Variants in PLAAT1 observed in about 807,000 individuals in gnomAD.
PLAAT1 encodes phospholipase A and acyltransferase 1.
PLAAT1 carries 13 observed loss-of-function variants against 16.4 expected under a neutral mutation model. The observed-to-expected ratio is 0.79, with a 90% CI of 0.52 to 1.26. The LOEUF is 1.26. Among genes scored for constraint, PLAAT1 ranks in the 50% most tolerant of loss-of-function variants. PLAAT1 has a pLI of 0.00. For synonymous variants in PLAAT1, 73 were observed against 78.4 expected (o/e 0.93, Z 0.36); for missense variants, 218 against 207.8 (o/e 1.05, Z -0.30).
intron 2 of PLAAT1, among the ~76,000 whole-genome samples, chr3:193,258,293 A>G (rs1310548417): frequency 1.3e-5 from 2 of 152,170 alleles, no homozygotes; most frequent in Non-Finnish European, 2.9e-5. Context: ...AGCACTAAGC[A>G]CTGTCATTAA....
At chr3:193,269,634 A>G (rs1716917479) in intron 3 of PLAAT1, among the ~76,000 whole-genome samples, 1 of 152,236 alleles carries the variant, frequency 6.6e-6, no homozygotes, top group Non-Finnish European at 1.5e-5. Flanking sequence ...CCCCAGAGTC[A>G]TTTGGGAAAA....
At chr3:193,244,845 G>C (rs188923724) in intron 1 of PLAAT1, among the ~76,000 whole-genome samples, 1 of 152,130 alleles carries the variant, frequency 6.6e-6, no homozygotes, top group East Asian at 1.9e-4. Flanking sequence ...TTTAATCCAT[G>C]AACTCCTTAA....
chr3:193,261,675 A>C (rs887282652), intron 2 of PLAAT1, among the ~76,000 whole-genome samples: 21 of 152,164 alleles, frequency 1.4e-4, no homozygotes, highest in Non-Finnish European at 4.4e-5. Context: ...TGAGATTTTC[A>C]TGCTGTTTTC....
chr3:193,274,839 A>G (rs142313476), downstream of PLAAT1: 1,037 of 663,324 alleles, frequency 1.6e-3, 9 homozygotes, highest in African/African-American at 0.017. Flanking sequence ...CAGGAAATGC[A>G]TTTTTTTCTC....
Position 193,255,736 on chromosome 3 carries a change from A to G in PLAAT1, c.86A>G (p.Gln29Arg). ...ATCGAAGTGTTCCGTCCTGGCTATC[A>G]GCACTGGGCCCTGTACTTGGGTGAT... ...DLIEVFRPGY[Q>R]HWALYLGDGY... The change falls in exon 2 of 4, where the codon CAG (glutamine) becomes CGG (arginine). Residue 29 changes from glutamine to arginine, a missense_variant. Transcript: ENST00000264735. 6.2e-7 allele frequency: 1 copy of G among 1,613,224 alleles called. No individual in the cohort carries two copies. Among genetic ancestry groups the G allele is most frequent in the Middle Eastern group, 1.7e-4 (1 of 6,054 alleles).
chr3:193,246,223 ATTCT>A (rs765983209), intron 1 of PLAAT1, among the ~76,000 whole-genome samples: 1 of 152,116 alleles, frequency 6.6e-6, no homozygotes. Flanking sequence ...GTTAAGGTAC[ATTCT>A]TTCTATGCCT....
chr3:193,261,849 A>G (rs1330197176), intron 2 of PLAAT1, among the ~76,000 whole-genome samples: 1 of 152,214 alleles, frequency 6.6e-6, no homozygotes, highest in East Asian at 1.9e-4. Context: ...TATTAAAAAT[A>G]TGTTTAGTAA....
At chr3:193,279,132 C>T (rs1878719), downstream of PLAAT1, among the ~76,000 whole-genome samples, 62,752 of 151,884 alleles carry the variant, frequency 0.41, 14,167 homozygotes, top group African/African-American at 0.59. Context: ...AGTATCCAAA[C>T]AATATTTCAG....
intron 3 of PLAAT1, among the ~76,000 whole-genome samples, chr3:193,270,115 A>ACTCT (rs1716936213): frequency 7.0e-6 from 1 of 143,694 alleles, no homozygotes; most frequent in African/African-American, 2.7e-5. Flanking sequence ...CTCTTACACG[A>ACTCT]TACTTACTTT....
chr3:193,245,430 G>A (rs886231043), intron 1 of PLAAT1, among the ~76,000 whole-genome samples: 7 of 151,950 alleles, frequency 4.6e-5, no homozygotes, highest in Non-Finnish European at 7.4e-5. Flanking sequence ...ATTTTTATCC[G>A]TTTATCCATT....
intron 1 of PLAAT1, among the ~76,000 whole-genome samples, chr3:193,246,243 T>A (rs1244851021): frequency 6.6e-6 from 1 of 152,194 alleles, no homozygotes; most frequent in Non-Finnish European, 1.5e-5. Context: ...TGCCTATTTT[T>A]TGAGAGTTTT....
chr3:193,264,596 T>C (rs1716712217), intron 3 of PLAAT1, among the ~76,000 whole-genome samples: 2 of 151,966 alleles, frequency 1.3e-5, no homozygotes, highest in South Asian at 2.1e-4. Context: ...CTCCGCCTCC[T>C]GGGTTCAGGC....
At chr3:193,270,922 G>T, downstream of PLAAT1, 1 of 986,356 alleles carries the variant, frequency 1.0e-6, no homozygotes, top group Non-Finnish European at 1.3e-6. Context: ...GAACGGAGAA[G>T]CAGTAGTCTT....
chr3:193,265,891 T>C (rs980630455), intron 3 of PLAAT1, among the ~76,000 whole-genome samples: 1 of 151,994 alleles, frequency 6.6e-6, no homozygotes, highest in East Asian at 1.9e-4. Context: ...TCCATTCCTC[T>C]TCTTCTTTGT....
At chr3:193,243,462 T>C (rs151266495) in intron 1 of PLAAT1, among the ~76,000 whole-genome samples, 1 of 152,360 alleles carries the variant, frequency 6.6e-6, no homozygotes, top group Non-Finnish European at 1.5e-5. Flanking sequence ...GAGGTTCCAC[T>C]TCACATTATC....
downstream of PLAAT1, among the ~76,000 whole-genome samples, chr3:193,279,794 G>A (rs1047956337): frequency 2.0e-5 from 3 of 151,838 alleles, no homozygotes; most frequent in Admixed American, 6.6e-5. Flanking sequence ...ATTCTTCCCC[G>A]TTGCCTGGAG....
At chr3:193,262,110 C>T (rs1297630435) in intron 2 of PLAAT1, among the ~76,000 whole-genome samples, 7 of 152,142 alleles carry the variant, frequency 4.6e-5, no homozygotes, top group Non-Finnish European at 1.0e-4. Flanking sequence ...AGGACTGGAG[C>T]CTGGCTTTAG....
chr3:193,281,233 C>T (rs561997424), downstream of PLAAT1: 47 of 984,796 alleles, frequency 4.8e-5, no homozygotes, highest in African/African-American at 5.9e-4. Context: ...AAGAAGAGGA[C>T]GCCTGAAAGG....
At chr3:193,246,662 C>T (rs1399845898) in intron 1 of PLAAT1, among the ~76,000 whole-genome samples, 2 of 152,170 alleles carry the variant, frequency 1.3e-5, no homozygotes, top group Non-Finnish European at 2.9e-5. Context: ...GTGCCTGGCC[C>T]ATATTTATTG....
Sources: gnomAD v4.1 joint callset for allele counts (sites outside exome capture counted in the v4.1 genomes callset) on GRCh38, gnomAD v4.1.1 for gene constraint, MANE v1.5 for transcripts, NCBI Gene and HGNC (gene_info 2026-07-23, HGNC 2026-07-21) for gene names.